The following NCDN variants were observed in gnomAD, a reference collection of about 807,000 sequenced individuals.
NCDN encodes the protein neurochondrin, also known as norbin.
NCDN carries 9 observed loss-of-function variants against 60.7 expected under a neutral mutation model. The ratio of observed to expected loss-of-function variants is 0.15; its 90% CI spans 0.09 to 0.26. The LOEUF (loss-of-function observed/expected upper bound fraction) is 0.26. Among genes scored for constraint, NCDN ranks in the 10% least tolerant of loss-of-function variants. NCDN has a pLI of 1.00. For missense variants in NCDN, 578 were observed against 975.2 expected, an observed-to-expected ratio of 0.59 and a Z score of 5.42; for synonymous variants, 409 against 442.5, an observed-to-expected ratio of 0.92 and a Z score of 0.95.
chr1:35,563,137 AAAG>A lies in NCDN; in HGVS notation c.1386-64_1386-62del. 1 of 1,438,530 alleles carries A rather than the reference AAAG, an allele frequency of 7.0e-7. No individual in the cohort carries two copies. Among genetic ancestry groups the A allele is most frequent in the East Asian group, 2.4e-5 (1 of 41,268 alleles). 89.1% of individuals were successfully genotyped at this position (1,438,530 alleles called of 1,614,324 possible). ...ATTTCTCTTAGGCAAGGTGCCCTAA[AAAG>A]GGAATCTATGTGCCTTCATCTCTCC... On this transcript the variant is annotated intron_variant, in intron 4 of 6. Coordinates refer to ENST00000373243, the MANE Select transcript of NCDN (RefSeq NM_014284.3). The surrounding 1 kb of genome is among the most constrained non-coding windows in gnomAD (Gnocchi z 6.6).
Position 35,558,386 on chromosome 1 carries a change from G to C in NCDN, c.33+163G>C. On this transcript the variant is annotated intron_variant, in intron 1 of 6. Transcript: ENST00000373243. This position sits in a 1 kb window ranked among gnomAD's most constrained non-coding sequence, Gnocchi z 6.3. Reference sequence around the variant, plus strand: ...ATCCACAGGCTGGTAGCGGGACGGGGAGGGCGAGAAGAGGGAGCGCAAGGG... The same window carrying C: ...ATCCACAGGCTGGTAGCGGGACGGGCAGGGCGAGAAGAGGGAGCGCAAGGG... 6.6e-7 allele frequency: 1 copy of C among 1,504,130 alleles called. No homozygotes were observed. The highest frequency in any genetic ancestry group is 8.8e-7 in the Non-Finnish European group (1 of 1,131,218). The allele number at this position is 1,504,130 out of a possible 1,614,324, so 93.2% of individuals were successfully genotyped here.
At position 35,559,052 on chromosome 1, in the gene NCDN, C is replaced by T. The variant is rs545887843; in HGVS notation, c.34-55C>T. 5.3e-5 allele frequency: 64 copies of T among 1,210,118 alleles called. No homozygotes were observed. The Admixed American group carries it at 7.3e-4, about 14-fold the overall frequency. 75.0% of individuals were successfully genotyped at this position (1,210,118 alleles called of 1,614,324 possible). A position where few individuals can be genotyped will look rare whatever the true frequency, so the allele number is the denominator to read the frequency against. On this transcript the variant is annotated intron_variant, in intron 1 of 6. Coordinates refer to ENST00000373243, the MANE Select transcript of NCDN (RefSeq NM_014284.3). ...CCTCCATCCTCCACTCTCACCCCCACCCCACCCCCGTCCCTCCTCTGCAGA... is the reference window on the plus strand; with the variant it reads ...CCTCCATCCTCCACTCTCACCCCCATCCCACCCCCGTCCCTCCTCTGCAGA...
chr1:35,561,114 A>G lies in NCDN; in HGVS notation c.963A>G (p.Ala321=), dbSNP rs752618742. The G allele has an allele frequency of 6.2e-7, 1 of 1,613,584 alleles. No individual in the cohort carries two copies. Among genetic ancestry groups the G allele is most frequent in the South Asian group, 1.1e-5 (1 of 90,994 alleles). Residue 321 remains alanine (A), a synonymous_variant, in exon 3 of 7, where the codon GCA becomes GCG. Transcript: ENST00000373243. This position sits in a 1 kb window ranked among gnomAD's most constrained non-coding sequence, Gnocchi z 4.9. ...VNLACVEVRL[A]LEETGTEVKE... is the part of the protein sequence containing the mutation. Reference sequence around the variant, plus strand: ...TGGCGTGCGTGGAAGTGCGGCTGGCACTGGAGGAGACGGGCACGGAGGTGA... The same window carrying G: ...TGGCGTGCGTGGAAGTGCGGCTGGCGCTGGAGGAGACGGGCACGGAGGTGA...
Position 35,562,359 on chromosome 1 carries a change from C to T in NCDN, c.1144-33C>T, listed in dbSNP as rs1191483939. 6.2e-7 allele frequency: 1 copy of T among 1,608,274 alleles called. No individual in the cohort carries two copies. Among genetic ancestry groups the T allele is most frequent in the South Asian group, 1.1e-5 (1 of 90,236 alleles). On this transcript the variant is annotated intron_variant, in intron 3 of 6. Coordinates refer to ENST00000373243, the MANE Select transcript of NCDN (RefSeq NM_014284.3). The surrounding 1 kb of genome is among the most constrained non-coding windows in gnomAD (Gnocchi z 6.8). ...GGCAAGGCAGGGAGGGTCCCTGGTCCTGCTCCATCTCAAGGGGGTCCTGTG... is the reference window on the plus strand; with the variant it reads ...GGCAAGGCAGGGAGGGTCCCTGGTCTTGCTCCATCTCAAGGGGGTCCTGTG...
At position 35,561,162 on chromosome 1, in the gene NCDN, C is replaced by T; in HGVS notation, c.1011C>T (p.Cys337=). The T allele has an allele frequency of 6.2e-7, 1 of 1,608,250 alleles. No individual in the cohort carries two copies. Residue 337 remains cysteine, a synonymous_variant, in exon 3 of 7, where the codon TGC becomes TGT. Transcript: ENST00000373243. This position sits in a 1 kb window ranked among gnomAD's most constrained non-coding sequence, Gnocchi z 4.9. ...TGAAAGAGGATGTGGTGACCGCCTG[C>T]TATGCCCTCATGGAGTTGGGGATCC... is the stretch of plus-strand genomic sequence containing the variant. ...TEVKEDVVTA[C]YALMELGIQE...
In NCDN at chr1:35,558,391, C is replaced by T. The variant is rs1648483904; in HGVS notation, c.33+168C>T. ...CAGGCTGGTAGCGGGACGGGGAGGG[C>T]GAGAAGAGGGAGCGCAAGGGGTTAA... On this transcript the variant is annotated intron_variant, in intron 1 of 6. Transcript: ENST00000373243. This position sits in a 1 kb window ranked among gnomAD's most constrained non-coding sequence, Gnocchi z 6.3. The T allele has an allele frequency of 6.7e-7, 1 of 1,493,272 alleles. No individual in the cohort carries two copies. Among genetic ancestry groups the T allele is most frequent in the Admixed American group, 2.2e-5 (1 of 45,420 alleles). 92.5% of individuals were successfully genotyped at this position (1,493,272 alleles called of 1,614,324 possible). A position where few individuals can be genotyped will look rare whatever the true frequency, so the allele number is the denominator to read the frequency against.
Position 35,562,657 on chromosome 1 carries a change from C to A in NCDN, c.1385+24C>A. ...CGGTGAGTCTGTAGTTACAGTCTGT[C>A]CAGCTAGATCATTCTACCGAAAAGC... On this transcript the variant is annotated intron_variant, in intron 4 of 6. Coordinates refer to ENST00000373243, the MANE Select transcript of NCDN (RefSeq NM_014284.3). This position sits in a 1 kb window ranked among gnomAD's most constrained non-coding sequence, Gnocchi z 6.8. 5.6e-6 allele frequency: 9 copies of A among 1,596,076 alleles called. No homozygotes were observed. Among genetic ancestry groups the A allele is most frequent in the Non-Finnish European group, 6.8e-6 (8 of 1,168,574 alleles).
chr1:35,564,619 T>C (rs1194037353), intron 6 of NCDN, among the ~76,000 whole-genome samples: 1 of 152,172 alleles, frequency 6.6e-6, no homozygotes, highest in Admixed American at 6.5e-5. Flanking sequence ...CACATCCCTG[T>C]ACACCAGGAG....
Position 35,562,688 on chromosome 1 carries a change from C to G in NCDN, c.1385+55C>G. The G allele has an allele frequency of 6.4e-7, 1 of 1,552,478 alleles. No homozygotes were observed. The highest frequency in any genetic ancestry group is 1.8e-5 in the Admixed American group (1 of 54,212). On this transcript the variant is annotated intron_variant, in intron 4 of 6. Transcript: ENST00000373243. This position sits in a 1 kb window ranked among gnomAD's most constrained non-coding sequence, Gnocchi z 6.8. Reference sequence around the variant, plus strand: ...AGATCATTCTACCGAAAAGCGTTAACACAAGGACACCCCTCCCCACAAACT... The same window carrying G: ...AGATCATTCTACCGAAAAGCGTTAAGACAAGGACACCCCTCCCCACAAACT...
Position 35,563,550 on chromosome 1 carries a change from G to C in NCDN, c.1610+124G>C, listed in dbSNP as rs896801999. 1.3e-5 allele frequency: 15 copies of C among 1,163,726 alleles called. No homozygotes were observed. Among genetic ancestry groups the C allele is most frequent in the Non-Finnish European group, 1.6e-5 (13 of 817,852 alleles). 72.1% of individuals were successfully genotyped at this position (1,163,726 alleles called of 1,614,324 possible). ...ATGGATTTGTTAGTGGTAGCATGGG[G>C]GTCTCAGAGTAGACATAGCCAGCCC... On this transcript the variant is annotated intron_variant, in intron 5 of 6. Transcript: ENST00000373243. This position sits in a 1 kb window ranked among gnomAD's most constrained non-coding sequence, Gnocchi z 6.6.
intron 6 of NCDN, among the ~76,000 whole-genome samples, chr1:35,564,612 A>C (rs928301645): frequency 6.6e-6 from 1 of 152,150 alleles, no homozygotes; most frequent in Admixed American, 6.5e-5. Flanking sequence ...AGGGGTGCAC[A>C]TCCCTGTACA....
chr1:35,558,405 G>T lies in NCDN; in HGVS notation c.33+182G>T, dbSNP rs1182866111. ...GACGGGGAGGGCGAGAAGAGGGAGC[G>T]CAAGGGGTTAATTCTGCTGCTGCCG... On this transcript the variant is annotated intron_variant, in intron 1 of 6. Coordinates refer to ENST00000373243, the MANE Select transcript of NCDN (RefSeq NM_014284.3). The surrounding 1 kb of genome is among the most constrained non-coding windows in gnomAD (Gnocchi z 6.3). The T allele has an allele frequency of 6.8e-6, 10 of 1,473,360 alleles. No individual in the cohort carries two copies. The Admixed American group carries it at 1.2e-4, about 18-fold the overall frequency. 91.3% of individuals were successfully genotyped at this position (1,473,360 alleles called of 1,614,324 possible). A position where few individuals can be genotyped will look rare whatever the true frequency, so the allele number is the denominator to read the frequency against.
rs1648731742 is a variant in NCDN at position 35,562,339 on chromosome 1, G to A, written c.1144-53G>A. The A allele has an allele frequency of 3.1e-6, 5 of 1,590,100 alleles. No homozygotes were observed. The highest frequency in any genetic ancestry group is 2.2e-5 in the East Asian group (1 of 44,568). ...TTTCTAGCTGGCTGGCCTCTGGCAA[G>A]GCAGGGAGGGTCCCTGGTCCTGCTC... On this transcript the variant is annotated intron_variant, in intron 3 of 6. Coordinates refer to ENST00000373243, the MANE Select transcript of NCDN (RefSeq NM_014284.3). This position sits in a 1 kb window ranked among gnomAD's most constrained non-coding sequence, Gnocchi z 6.8.
Position 35,565,099 on chromosome 1 carries a change from C to A in NCDN, c.1754-128C>A. Reference sequence around the variant, plus strand: ...ACAGTGAGCATCTAAGGCAGGGTTTCAACGCAGGCAGTCTGATTCCAGGCT... The same window carrying A: ...ACAGTGAGCATCTAAGGCAGGGTTTAAACGCAGGCAGTCTGATTCCAGGCT... On this transcript the variant is annotated intron_variant, in intron 6 of 6. Transcript: ENST00000373243. The surrounding 1 kb of genome is among the most constrained non-coding windows in gnomAD (Gnocchi z 8.9). 1.1e-6 allele frequency: 1 copy of A among 935,078 alleles called. No homozygotes were observed. Among genetic ancestry groups the A allele is most frequent in the Non-Finnish European group, 1.6e-6 (1 of 621,778 alleles). The allele number at this position is 935,078 out of a possible 1,614,324, so 57.9% of individuals were successfully genotyped here. A position where few individuals can be genotyped will look rare whatever the true frequency, so the allele number is the denominator to read the frequency against.
Position 35,565,868 on chromosome 1 carries a change from G to A in NCDN, c.*205G>A, listed in dbSNP as rs1162957805. On this transcript the variant is annotated 3_prime_UTR_variant, in exon 7 of 7. Coordinates refer to ENST00000373243, the MANE Select transcript of NCDN (RefSeq NM_014284.3). This position sits in a 1 kb window ranked among gnomAD's most constrained non-coding sequence, Gnocchi z 8.9. Reference sequence around the variant, plus strand: ...GTTCCGCCCCTCAGGCCCCCATGGGGGCAGGGATCGGCTTGGAAATCAACG... The same window carrying A: ...GTTCCGCCCCTCAGGCCCCCATGGGAGCAGGGATCGGCTTGGAAATCAACG... The A allele has an allele frequency of 3.4e-6, 2 of 596,192 alleles. No homozygotes were observed. Among genetic ancestry groups the A allele is most frequent in the Non-Finnish European group, 5.8e-6 (2 of 347,420 alleles). 36.9% of individuals were successfully genotyped at this position (596,192 alleles called of 1,614,324 possible).
Position 35,562,711 on chromosome 1 carries a change from ACTGAGCTGTGCCAGGCTTC to A in NCDN, c.1385+83_1385+101del. 6.7e-7 allele frequency: 1 copy of A among 1,501,758 alleles called. No homozygotes were observed. The highest frequency in any genetic ancestry group is 8.9e-7 in the Non-Finnish European group (1 of 1,117,958). The allele number at this position is 1,501,758 out of a possible 1,614,324, so 93.0% of individuals were successfully genotyped here. A position where few individuals can be genotyped will look rare whatever the true frequency, so the allele number is the denominator to read the frequency against. On this transcript the variant is annotated intron_variant, in intron 4 of 6. Coordinates refer to ENST00000373243, the MANE Select transcript of NCDN (RefSeq NM_014284.3). The surrounding 1 kb of genome is among the most constrained non-coding windows in gnomAD (Gnocchi z 6.8). ...AACACAAGGACACCCCTCCCCACAA[ACTGAGCTGTGCCAGGCTTC>A]CTGATTGGGCCATGAGATATCCCTT...
At chr1:35,564,382 G>C (rs928270401) in intron 6 of NCDN, among the ~76,000 whole-genome samples, 4 of 152,036 alleles carry the variant, frequency 2.6e-5, no homozygotes, top group Non-Finnish European at 5.9e-5. Flanking sequence ...CTGTTTGCAG[G>C]GGGAGGGACG....
chr1:35,559,091 C>A lies in NCDN; in HGVS notation c.34-16C>A. On this transcript the variant is annotated splice_polypyrimidine_tract_variant and intron_variant, in intron 1 of 6. Transcript: ENST00000373243. ...CTCCTCTGCAGAGGGATGCTCAGTC[C>A]CTCTTGTGTTCACAGTTGGGCAAGG... 6.2e-7 allele frequency: 1 copy of A among 1,608,984 alleles called. No homozygotes were observed. The highest frequency in any genetic ancestry group is 1.1e-5 in the South Asian group (1 of 90,862).
At position 35,560,097 on chromosome 1, in the gene NCDN, G is replaced by A. The variant is rs1291985593; in HGVS notation, c.175-229G>A. 6.6e-6 allele frequency among the ~76,000 whole-genome samples: 1 copy of A among 152,128 alleles called. No homozygotes were observed. The highest frequency in any genetic ancestry group is 1.5e-5 in the Non-Finnish European group (1 of 68,026). On this transcript the variant is annotated intron_variant, in intron 2 of 6. Transcript: ENST00000373243. The surrounding 1 kb of genome is among the most constrained non-coding windows in gnomAD (Gnocchi z 7.6). ...CAGGTGTTGAAATGCTCAAATGAAT[G>A]GTTGAGGAAGACTAGACCTCACTTC...
Sources: gnomAD v4.1 joint callset for allele counts (sites outside exome capture counted in the v4.1 genomes callset) on GRCh38, gnomAD v4.1.1 for gene constraint, Gnocchi (gnomAD v3.1) non-coding constraint, MANE v1.5 for transcripts, NCBI Gene and HGNC (gene_info 2026-07-23, HGNC 2026-07-21) for gene names.